OGFOD1: variants seen among roughly 807,000 people sequenced by gnomAD.
OGFOD1 encodes the protein 2-oxoglutarate and iron dependent oxygenase domain containing 1, also known as prolyl 3-hydroxylase OGFOD1.
In OGFOD1, 54 loss-of-function variants were observed where a neutral mutation model predicts 67.7. The ratio of observed to expected loss-of-function variants is 0.80; its 90% CI spans 0.64 to 1.00. The LOEUF (loss-of-function observed/expected upper bound fraction) is 1.00. Ranked by LOEUF, OGFOD1 falls within the 50% of genes least tolerant of loss-of-function variation. The pLI is 0.00. For missense variants in OGFOD1, 606 were observed against 646.7 expected (o/e 0.94, Z 0.68); for synonymous variants, 221 against 227.0 (o/e 0.97, Z 0.24).
intron 10 of OGFOD1, among the ~76,000 whole-genome samples, chr16:56,473,991 TAGAA>T (rs1373146949): frequency 6.6e-6 from 1 of 152,110 alleles, no homozygotes; most frequent in Non-Finnish European, 1.5e-5. Flanking sequence ...GTATTTTTAG[TAGAA>T]ACGGGGTTTT....
At position 56,476,072 on chromosome 16, in the gene OGFOD1, C is replaced by A. The variant is rs1963459572; in HGVS notation, c.1496C>A (p.Ser499Tyr). The change falls in exon 13 of 13, where the codon TCT becomes TAT. Residue 499 changes from serine to tyrosine, a missense_variant. Transcript: ENST00000566157. ...ELLTVNPESN[S>Y]LALVYRDRET... ...CTAACAGTGAATCCAGAAAGCAATT[C>A]TTTGGCATTGGTCTACAGAGACAGA... 1.9e-6 allele frequency: 3 copies of A among 1,612,966 alleles called. No individual in the cohort carries two copies. Among genetic ancestry groups the A allele is most frequent in the African/African-American group, 1.3e-5 (1 of 74,830 alleles).
At chr16:56,463,257 TTGAG>T in intron 4 of OGFOD1, among the ~76,000 whole-genome samples, 1 of 152,094 alleles carries the variant, frequency 6.6e-6, no homozygotes, top group East Asian at 1.9e-4. Flanking sequence ...AAATAATTCT[TTGAG>T]TGTACTCTCA....
intron 10 of OGFOD1, 97 bp from the exon 11 acceptor site, chr16:56,474,731 T>C (rs1963375161): frequency 1.1e-6 from 1 of 875,174 alleles, no homozygotes; most frequent in African/African-American, 1.7e-5. Flanking sequence ...ATGGTTTCCC[T>C]GTGTTGCTGT....
At chr16:56,473,767 T>C (rs1963314240) in intron 10 of OGFOD1, among the ~76,000 whole-genome samples, 2 of 152,178 alleles carry the variant, frequency 1.3e-5, no homozygotes, top group Admixed American at 1.3e-4. Context: ...CTTTTTGTCA[T>C]TTTATTAGTT....
rs771932068 is a variant in OGFOD1 at position 56,474,791 on chromosome 16, A to AT, written c.1286-31dup. 525 of 1,575,802 alleles carry AT rather than the reference A, an allele frequency of 3.3e-4. 2 individuals carry two copies. Among genetic ancestry groups the AT allele is most frequent in the Non-Finnish European group, 3.8e-4 (443 of 1,160,186 alleles). The stretch of plus-strand genomic sequence containing the variant: ...GCAATCCAACAGTTCTATCAAGGTT[A>AT]TTTTTTAAAGTTTCTCATCTTTTTT... On this transcript the variant is annotated intron_variant, in intron 10 of 12. Transcript: ENST00000566157.
chr16:56,475,748 A>G (rs1461213426), intron 12 of OGFOD1, among the ~76,000 whole-genome samples, 183 bp downstream of exon 12: 3 of 152,228 alleles, frequency 2.0e-5, no homozygotes, highest in African/African-American at 7.2e-5. Context: ...ATACTCAGTA[A>G]GCATTTATTT....
intron 2 of OGFOD1, chr16:56,458,293 T>C (rs1039152936): frequency 6.5e-6 from 3 of 462,814 alleles, no homozygotes; most frequent in Admixed American, 3.6e-5. Context: ...GTTGTCTATC[T>C]CCCTCAATGG....
At chr16:56,455,427 T>C (rs1163946101) in intron 2 of OGFOD1, among the ~76,000 whole-genome samples, 2 of 151,200 alleles carry the variant, frequency 1.3e-5, no homozygotes, top group Non-Finnish European at 1.5e-5. Context: ...CCTTGGGTGA[T>C]TGAAAAAAAA....
chr16:56,478,527 G>A lies in OGFOD1; in HGVS notation c.*2322G>A, dbSNP rs1258107580. ...GCCTTCTGATGTGTTTTCATGAGTTGAGGGGAAAGGGTGTCAGTGGCATAA... is the reference window on the plus strand; with the variant it reads ...GCCTTCTGATGTGTTTTCATGAGTTAAGGGGAAAGGGTGTCAGTGGCATAA... On this transcript the variant is annotated 3_prime_UTR_variant, in exon 13 of 13. Transcript: ENST00000566157. The A allele has an allele frequency of 1.3e-5, 2 of 152,192 alleles. No homozygotes were observed. The highest frequency in any genetic ancestry group is 4.8e-5 in the African/African-American group (2 of 41,432). The allele number at this position is 152,192 out of a possible 1,614,324, so 9.4% of individuals were successfully genotyped here. A position where few individuals can be genotyped will look rare whatever the true frequency, so the allele number is the denominator to read the frequency against.
At position 56,474,825 on chromosome 16, in the gene OGFOD1, T is replaced by C. The variant is rs368808099; in HGVS notation, c.1286-3T>C. ...AGTTTCTCATCTTTTTTTTTTTCCT[T>C]AGAATCAAGTGTTCCCATGTGCCAA... On this transcript the variant is annotated splice_region_variant and splice_polypyrimidine_tract_variant and intron_variant, in intron 10 of 12. Coordinates refer to ENST00000566157, the MANE Select transcript of OGFOD1 (RefSeq NM_018233.4). The C allele has an allele frequency of 3.8e-5, 60 of 1,594,036 alleles. No individual in the cohort carries two copies. In the African/African-American group the frequency reaches 7.6e-4, roughly 20 times the overall value.
rs540360001 is a variant in OGFOD1, at chr16:56,464,896, G to A, written c.449-1256G>A. Among the ~76,000 whole-genome samples, 310 of 152,196 alleles carry A rather than the reference G, an allele frequency of 2.0e-3. 1 individual carries two copies. Among genetic ancestry groups the A allele is most frequent in the Non-Finnish European group, 3.6e-3 (243 of 68,008 alleles). ...ACTCTTAAGTGTCTTTGCTATTAGG[G>A]TGTCACTGCTCCCAGACCCCTTCAG... On this transcript the variant is annotated intron_variant, in intron 4 of 12. Transcript: ENST00000566157.
intron 5 of OGFOD1, 51 bp downstream of exon 5, chr16:56,466,319 T>A: frequency 8.9e-7 from 1 of 1,120,806 alleles, no homozygotes; most frequent in Non-Finnish European, 1.4e-6. Flanking sequence ...ACTTCTGAGT[T>A]AAAGCTGAGT....
chr16:56,470,854 C>T lies in OGFOD1; in HGVS notation c.1285+63C>T, dbSNP rs139485772. Reference sequence around the variant, plus strand: ...ACCATTCACCATTCAAACATGTATTCATTCAACAAACATTTATTGAGCATC... The same window carrying T: ...ACCATTCACCATTCAAACATGTATTTATTCAACAAACATTTATTGAGCATC... On this transcript the variant is annotated intron_variant, in intron 10 of 12. Transcript: ENST00000566157. The T allele has an allele frequency of 4.2e-6, 6 of 1,430,206 alleles. No individual in the cohort carries two copies. In the African/African-American group the frequency reaches 8.6e-5, roughly 21 times the overall value. 88.6% of individuals were successfully genotyped at this position (1,430,206 alleles called of 1,614,324 possible). A position where few individuals can be genotyped will look rare whatever the true frequency, so the allele number is the denominator to read the frequency against.
chr16:56,457,881 C>T (rs142963846), intron 2 of OGFOD1, among the ~76,000 whole-genome samples: 24,172 of 151,934 alleles, frequency 0.16, 2,032 homozygotes, highest in African/African-American at 0.21. Context: ...GGTTTCACCA[C>T]GTTGGTCAGG....
rs759210774 is a variant in OGFOD1, at chr16:56,476,232, T to C, written c.*27T>C. On this transcript the variant is annotated 3_prime_UTR_variant, in exon 13 of 13. Coordinates refer to ENST00000566157, the MANE Select transcript of OGFOD1 (RefSeq NM_018233.4). Reference sequence around the variant, plus strand: ...AGCACTGGGCAAAGCTGAACAAAAATGTGACCCTTCGTAATTACTGGGAAG... The same window carrying C: ...AGCACTGGGCAAAGCTGAACAAAAACGTGACCCTTCGTAATTACTGGGAAG... 1.6e-5 allele frequency: 26 copies of C among 1,597,662 alleles called. No individual in the cohort carries two copies. The highest frequency in any genetic ancestry group is 2.0e-5 in the Non-Finnish European group (23 of 1,174,944).
In OGFOD1 at chr16:56,476,975, CA is replaced by C; in HGVS notation, c.*774del. 6.6e-6 allele frequency: 1 copy of C among 152,104 alleles called. No homozygotes were observed. Among genetic ancestry groups the C allele is most frequent in the Non-Finnish European group, 1.5e-5 (1 of 68,048 alleles). 9.4% of individuals were successfully genotyped at this position (152,104 alleles called of 1,614,324 possible). On this transcript the variant is annotated 3_prime_UTR_variant, in exon 13 of 13. Coordinates refer to ENST00000566157, the MANE Select transcript of OGFOD1 (RefSeq NM_018233.4). ...AGAAACCCCATCTCTACTAAAAATACAAAATTAGCTGGGCGTGGTGGCACAT... is the reference window on the plus strand; with the variant it reads ...AGAAACCCCATCTCTACTAAAAATACAAATTAGCTGGGCGTGGTGGCACAT...
chr16:56,463,321 G>A (rs1386532153), intron 4 of OGFOD1, among the ~76,000 whole-genome samples: 1 of 148,396 alleles, frequency 6.7e-6, no homozygotes, highest in Non-Finnish European at 1.5e-5. Context: ...AGGATGACTT[G>A]GTGATACATA....
At chr16:56,458,688 C>A in intron 3 of OGFOD1, 94 bp downstream of exon 3, 1 of 1,078,430 alleles carries the variant, frequency 9.3e-7, no homozygotes, top group Admixed American at 2.0e-5. Flanking sequence ...TCATATAATT[C>A]TTGTTGACAT....
chr16:56,453,156 T>G, intron 1 of OGFOD1, 107 bp from the exon 2 acceptor site: 1 of 1,136,704 alleles, frequency 8.8e-7, no homozygotes, highest in Non-Finnish European at 1.2e-6. Flanking sequence ...AAGTATTAGG[T>G]TCCCCAAAAT....
Sources: gnomAD v4.1 joint callset for allele counts (sites outside exome capture counted in the v4.1 genomes callset) on GRCh38, gnomAD v4.1.1 for gene constraint, MANE v1.5 for transcripts, NCBI Gene and HGNC (gene_info 2026-07-23, HGNC 2026-07-21) for gene names.